The following IFT57 variants were observed in gnomAD, a reference collection of about 807,000 sequenced individuals.
IFT57 encodes the protein intraflagellar transport 57.
A neutral mutation model predicts 56.8 loss-of-function variants in IFT57; 59 were observed. The ratio of observed to expected loss-of-function variants is 1.04; its 90% CI spans 0.84 to 1.29. IFT57 has a LOEUF of 1.29. IFT57 is among the 50% of genes most tolerant of loss of function. The pLI is 0.00. For missense variants in IFT57, 470 were observed against 522.1 expected (o/e 0.90, Z 0.97); for synonymous variants, 209 against 186.1 (o/e 1.12, Z -1.00).
chr3:108,178,077 A>G (rs1349813802), intron 6 of IFT57, among the ~76,000 whole-genome samples: 2 of 151,890 alleles, frequency 1.3e-5, no homozygotes, highest in East Asian at 3.9e-4. Flanking sequence ...AACCATTTTC[A>G]ATAGTATCAA....
intron 6 of IFT57, among the ~76,000 whole-genome samples, chr3:108,186,677 T>C (rs897228991): frequency 2.0e-5 from 3 of 152,092 alleles, no homozygotes; most frequent in Non-Finnish European, 4.4e-5. Flanking sequence ...AGAATGCATT[T>C]CCATAAAGTT....
chr3:108,187,424 T>C (rs2080190259), intron 6 of IFT57, among the ~76,000 whole-genome samples: 1 of 152,094 alleles, frequency 6.6e-6, no homozygotes, highest in African/African-American at 2.4e-5. Context: ...AGCACATACA[T>C]TGAAATACAT....
At chr3:108,189,779 T>TAACA (rs1287200999) in intron 6 of IFT57, among the ~76,000 whole-genome samples, 4 of 152,180 alleles carry the variant, frequency 2.6e-5, no homozygotes, top group Non-Finnish European at 4.4e-5. Flanking sequence ...AAAATTTAAC[T>TAACA]AACAGCTTAC....
At chr3:108,177,503 T>C (rs1181304123) in intron 6 of IFT57, among the ~76,000 whole-genome samples, 1 of 151,632 alleles carries the variant, frequency 6.6e-6, no homozygotes, top group Non-Finnish European at 1.5e-5. Context: ...AGGAGGATAA[T>C]ATATCATAAT....
chr3:108,206,600 G>A, intron 5 of IFT57, 28 bp downstream of exon 5: 1 of 1,050,452 alleles, frequency 9.5e-7, no homozygotes, highest in Non-Finnish European at 1.3e-6. Context: ...ATTGCTTGTT[G>A]GTCCTGCATG....
intron 6 of IFT57, among the ~76,000 whole-genome samples, chr3:108,171,847 G>A (rs1277549133): frequency 6.6e-6 from 1 of 151,710 alleles, no homozygotes; most frequent in Non-Finnish European, 1.5e-5. Context: ...AATTTCAGAG[G>A]CCTTAATAAA....
Position 108,166,962 on chromosome 3 carries a change from A to C in IFT57, c.873T>G (p.Asn291Lys). ...TCTTTTCCAAAGTCCTAGTAATTTC[A>C]TTATGGAGTTTGTCCAAAAATCCCT... ...ETKGFLDKLH[N>K]EITRTLEKIS... is the part of the protein sequence containing the mutation. Residue 291 changes from asparagine to lysine, a missense_variant, in exon 8 of 11, where the codon AAT becomes AAG. Asn to Lys is a moderately conservative substitution (Grantham distance 94, BLOSUM62 0). Coordinates refer to ENST00000264538, the MANE Select transcript of IFT57 (RefSeq NM_018010.4). The C allele has an allele frequency of 6.2e-7, 1 of 1,609,152 alleles. No homozygotes were observed. The highest frequency in any genetic ancestry group is 8.5e-7 in the Non-Finnish European group (1 of 1,177,518).
intron 4 of IFT57, among the ~76,000 whole-genome samples, chr3:108,212,832 A>C (rs1289767): frequency 2.0e-5 from 3 of 152,020 alleles, no homozygotes; most frequent in Non-Finnish European, 2.9e-5. Flanking sequence ...TCACCTAAAA[A>C]TTTTAATTGG....
In IFT57 at chr3:108,217,204, A is replaced by C. The variant is rs926552565; in HGVS notation, c.494+1331T>G. Among the ~76,000 whole-genome samples, 8 of 152,158 alleles carry C rather than the reference A, an allele frequency of 5.3e-5. No homozygotes were observed. In the South Asian group the frequency reaches 1.7e-3, roughly 32 times the overall value. On this transcript the variant is annotated intron_variant, in intron 3 of 10. Coordinates refer to ENST00000264538, the MANE Select transcript of IFT57 (RefSeq NM_018010.4). ...CACATGTATCGAAACATCACATTGT[A>C]CTCCAAAATTTGCAGTTATGTGCCA...
At chr3:108,173,122 CA>C (rs1184759420) in intron 6 of IFT57, among the ~76,000 whole-genome samples, 8 of 151,796 alleles carry the variant, frequency 5.3e-5, no homozygotes, top group Admixed American at 5.3e-4. Flanking sequence ...TATCTAACAG[CA>C]AAGGACAGAT....
At chr3:108,174,924 G>A (rs533255916) in intron 6 of IFT57, among the ~76,000 whole-genome samples, 1 of 151,856 alleles carries the variant, frequency 6.6e-6, no homozygotes, top group East Asian at 1.9e-4. Flanking sequence ...GTGATTTGGG[G>A]GTTGTTTGTT....
intron 5 of IFT57, among the ~76,000 whole-genome samples, chr3:108,197,804 C>A (rs1353200121): frequency 1.3e-5 from 2 of 152,090 alleles, no homozygotes; most frequent in African/African-American, 4.8e-5. Context: ...TTGCTCAAAT[C>A]CCACCTCCAT....
At chr3:108,173,873 A>C (rs2080109192) in intron 6 of IFT57, among the ~76,000 whole-genome samples, 1 of 148,970 alleles carries the variant, frequency 6.7e-6, no homozygotes, top group African/African-American at 2.5e-5. Flanking sequence ...ATGTTCTCAA[A>C]AAATATTTAA....
intron 5 of IFT57, 51 bp downstream of exon 5, chr3:108,206,577 A>G (rs1271625108): frequency 1.3e-6 from 1 of 777,370 alleles, no homozygotes; most frequent in Non-Finnish European, 1.9e-6. Flanking sequence ...TTTCCAGCAG[A>G]ACATGTACAT....
intron 6 of IFT57, among the ~76,000 whole-genome samples, chr3:108,179,472 C>T (rs905199690): frequency 2.6e-5 from 4 of 151,992 alleles, no homozygotes; most frequent in Non-Finnish European, 4.4e-5. Flanking sequence ...ATATGAGCAG[C>T]ATATTTCTGT....
rs180917402 is a variant in IFT57, at chr3:108,199,113, G to A, written c.655-7470C>T. On this transcript the variant is annotated intron_variant, in intron 5 of 10. Coordinates refer to ENST00000264538, the MANE Select transcript of IFT57 (RefSeq NM_018010.4). ...CTAATTATGAATAAAGGGGTACAAT[G>A]TTTCTATCTGAATGCTGAGATTTGG... Among the ~76,000 whole-genome samples, 47 of 152,046 alleles carry A rather than the reference G, an allele frequency of 3.1e-4. No individual in the cohort carries two copies. In the East Asian group the frequency reaches 8.5e-3, roughly 28 times the overall value.
In IFT57 at chr3:108,215,356, G is replaced by A. The variant is rs180698532; in HGVS notation, c.495-1335C>T. Among the ~76,000 whole-genome samples the A allele has an allele frequency of 4.6e-3, 695 of 152,164 alleles. 3 individuals carry two copies. Among genetic ancestry groups the A allele is most frequent in the African/African-American group, 0.016 (666 of 41,502 alleles). On this transcript the variant is annotated intron_variant, in intron 3 of 10. Coordinates refer to ENST00000264538, the MANE Select transcript of IFT57 (RefSeq NM_018010.4). The stretch of plus-strand genomic sequence containing the variant: ...GCAGGTGGACTGTCTGAGACCAGGA[G>A]TTTGAGACCAGCCTGGGCAACATGG...
chr3:108,199,082 T>C (rs2080262349), intron 5 of IFT57, among the ~76,000 whole-genome samples: 1 of 152,172 alleles, frequency 6.6e-6, no homozygotes, highest in Non-Finnish European at 1.5e-5. Flanking sequence ...CTTACATAAC[T>C]TTGGGCTAAT....
intron 4 of IFT57, among the ~76,000 whole-genome samples, 184 bp from the exon 5 acceptor site, chr3:108,206,880 G>A (rs1388397524): frequency 6.6e-6 from 1 of 151,942 alleles, no homozygotes; most frequent in Non-Finnish European, 1.5e-5. Flanking sequence ...CAGTTCATCT[G>A]TTTTTTGAGG....
Sources: allele counts gnomAD v4.1 joint callset (sites outside exome capture counted in the v4.1 genomes callset), GRCh38; gene constraint gnomAD v4.1.1; transcripts MANE v1.5; gene names NCBI Gene and HGNC (gene_info 2026-07-23, HGNC 2026-07-21).